SHROOM2: variants seen among roughly 807,000 people sequenced by gnomAD.
SHROOM2 encodes shroom family member 2.
Under a neutral mutation model 75.9 loss-of-function variants are expected in SHROOM2, and 33 were observed. That is an observed-to-expected ratio of 0.43 (90% CI 0.33 to 0.58). The LOEUF (loss-of-function observed/expected upper bound fraction) is 0.58. Among genes scored for constraint, SHROOM2 ranks in the 20% least tolerant of loss-of-function variants. The pLI is 0.04. For missense variants in SHROOM2, 1,434 were observed against 1,461.2 expected, an observed-to-expected ratio of 0.98 and a Z score of 0.30; for synonymous variants, 655 against 663.6, an observed-to-expected ratio of 0.99 and a Z score of 0.20.
intron 1 of SHROOM2, chrX:9,819,320 C>T: frequency 1.9e-6 from 1 of 520,818 alleles, no homozygotes; most frequent in Non-Finnish European, 3.3e-6. Context: ...TGGTGGGATA[C>T]CTTGGAGGCC....
intron 1 of SHROOM2, among the ~76,000 whole-genome samples, chrX:9,787,533 T>A (rs1276415673): frequency 8.9e-6 from 1 of 112,482 alleles, no homozygotes; most frequent in East Asian, 2.8e-4. Flanking sequence ...GGACCTTTCG[T>A]GTGGACGAAG....
chrX:9,877,157 C>T (rs1276948482), intron 2 of SHROOM2, among the ~76,000 whole-genome samples: 1 of 111,887 alleles, frequency 8.9e-6, no homozygotes, highest in Non-Finnish European at 1.9e-5. Context: ...GCATGGGCAA[C>T]GTGGACCTTG....
At chrX:9,884,368 C>CTTCTTTTTTTTTTTTTTTTTTTTTTT (rs1372366663) in intron 2 of SHROOM2, among the ~76,000 whole-genome samples, 1 of 62,307 alleles carries the variant, frequency 1.6e-5, no homozygotes, top group African/African-American at 5.8e-5. Flanking sequence ...TTTTTCTTTT[C>CTTCTTTTTTTTTTTTTTTTTTTTTTT]TTTTTTTTTT....
chrX:9,930,272 T>G (rs757999091), intron 5 of SHROOM2, among the ~76,000 whole-genome samples: 9 of 111,197 alleles, frequency 8.1e-5, no homozygotes, highest in South Asian at 7.6e-4. Flanking sequence ...ATCCCAGCAC[T>G]TGGGAGGCCA....
At chrX:9,841,155 T>C (rs2083977345) in intron 1 of SHROOM2, among the ~76,000 whole-genome samples, 1 of 111,737 alleles carries the variant, frequency 8.9e-6, no homozygotes, top group East Asian at 2.8e-4. Context: ...GGGGTTTCAC[T>C]GTTTTGGCCA....
At chrX:9,909,430 T>A (rs2084409498) in intron 5 of SHROOM2, among the ~76,000 whole-genome samples, 1 of 112,525 alleles carries the variant, frequency 8.9e-6, no homozygotes, top group African/African-American at 3.2e-5. Context: ...GCTCCCCCGC[T>A]CCCCGCTCAG....
chrX:9,917,501 C>CG (rs1172651415), intron 5 of SHROOM2, among the ~76,000 whole-genome samples: 1 of 89,739 alleles, frequency 1.1e-5, no homozygotes, highest in Non-Finnish European at 2.1e-5. Context: ...TATTGTGGTT[C>CG]TTTGTTGTTG....
intron 9 of SHROOM2, among the ~76,000 whole-genome samples, chrX:9,945,273 T>G: frequency 9.1e-6 from 1 of 110,169 alleles, no homozygotes; most frequent in Admixed American, 9.7e-5. Flanking sequence ...CATGCCTGGC[T>G]AATTTTTGTA....
intron 5 of SHROOM2, among the ~76,000 whole-genome samples, chrX:9,905,952 A>G (rs369826052): frequency 4.7e-4 from 53 of 111,884 alleles, no homozygotes; most frequent in African/African-American, 1.6e-3. Flanking sequence ...TGTGGCACCC[A>G]GGAAACTTTG....
intron 5 of SHROOM2, among the ~76,000 whole-genome samples, chrX:9,924,574 TC>T (rs2084576635): frequency 9.0e-6 from 1 of 111,004 alleles, no homozygotes; most frequent in African/African-American, 3.3e-5. Flanking sequence ...CAGGCTGGTC[TC>T]TAACTCCTTG....
At position 9,873,465 on chromosome X, in the gene SHROOM2, C is replaced by CGT. The variant is rs2084181754; in HGVS notation, c.166-184_166-183dup. Among the ~76,000 whole-genome samples, 3 of 111,459 alleles carry CGT rather than the reference C, an allele frequency of 2.7e-5. No homozygotes were observed. In the South Asian group the frequency reaches 1.1e-3, roughly 42 times the overall value. On this transcript the variant is annotated intron_variant, in intron 1 of 9. Transcript: ENST00000380913. ...TCCCATTCCCTGGATAAACAGGAGT[C>CGT]GTGTCCAGGGAAGGCAGGCCAGGGT... is the stretch of plus-strand genomic sequence containing the variant.
At chrX:9,852,661 AT>A (rs768909161) in intron 1 of SHROOM2, among the ~76,000 whole-genome samples, 8 of 112,828 alleles carry the variant, frequency 7.1e-5, no homozygotes, top group Non-Finnish European at 9.4e-5. Context: ...AGTGCACCTT[AT>A]TGGTGCAAAA....
intron 5 of SHROOM2, among the ~76,000 whole-genome samples, chrX:9,899,333 A>G (rs1483348205): frequency 9.0e-6 from 1 of 110,869 alleles, no homozygotes; most frequent in Non-Finnish European, 1.9e-5. Flanking sequence ...GCGTCTCTAC[A>G]GAAGATGTGG....
chrX:9,829,560 G>A (rs1435004970), intron 1 of SHROOM2, among the ~76,000 whole-genome samples: 1 of 112,005 alleles, frequency 8.9e-6, no homozygotes, highest in East Asian at 2.8e-4. Context: ...TTCCTTTTCA[G>A]CCCTTAGGGT....
chrX:9,944,956 G>A (rs377637090), intron 9 of SHROOM2, 43 bp downstream of exon 9: 14 of 1,143,852 alleles, frequency 1.2e-5, no homozygotes, highest in African/African-American at 1.8e-5. Flanking sequence ...GGGTGGTCTC[G>A]TGGGAAGGCT....
intron 1 of SHROOM2, among the ~76,000 whole-genome samples, chrX:9,845,681 T>A (rs1362998476): frequency 9.1e-6 from 1 of 110,369 alleles, no homozygotes; most frequent in Non-Finnish European, 1.9e-5. Context: ...CCCGTCACCC[T>A]CCTTTCTGTC....
Position 9,947,043 on chromosome X carries a change from T to C in SHROOM2, c.*106T>C. 1 of 798,082 alleles carries C rather than the reference T, an allele frequency of 1.3e-6. No homozygotes were observed. Among genetic ancestry groups the C allele is most frequent in the Non-Finnish European group, 1.8e-6 (1 of 568,638 alleles). The allele number at this position is 798,082 out of a possible 1,213,427, so 65.8% of individuals were successfully genotyped here. On this transcript the variant is annotated 3_prime_UTR_variant, in exon 10 of 10. Transcript: ENST00000380913. ...CTGTGTTCATGGCCTGGAAAGAGACTTCTCCCATAGCAAAGAGGCTGTTAT... is the reference window on the plus strand; with the variant it reads ...CTGTGTTCATGGCCTGGAAAGAGACCTCTCCCATAGCAAAGAGGCTGTTAT...
At chrX:9,901,166 A>G (rs2084363846) in intron 5 of SHROOM2, among the ~76,000 whole-genome samples, 1 of 110,480 alleles carries the variant, frequency 9.1e-6, no homozygotes, top group Non-Finnish European at 1.9e-5. Flanking sequence ...CCCTCTGCGC[A>G]TTTTTGTATC....
chrX:9,805,194 G>A (rs1443104181), intron 1 of SHROOM2, among the ~76,000 whole-genome samples: 1 of 111,197 alleles, frequency 9.0e-6, no homozygotes, highest in Non-Finnish European at 1.9e-5. Context: ...GCAGTGAGCC[G>A]AGATCGCACC....
Sources: allele counts gnomAD v4.1 joint callset (sites outside exome capture counted in the v4.1 genomes callset), GRCh38; gene constraint gnomAD v4.1.1; transcripts MANE v1.5; gene names NCBI Gene and HGNC (gene_info 2026-07-23, HGNC 2026-07-21).